CCDC110: variants seen among roughly 807,000 people sequenced by gnomAD.
The protein encoded by CCDC110 is coiled-coil domain-containing protein 110.
Under a neutral mutation model 77.1 loss-of-function variants are expected in CCDC110, and 70 were observed. The observed-to-expected ratio is 0.91, with a 90% CI of 0.75 to 1.11. The LOEUF (loss-of-function observed/expected upper bound fraction) is 1.11. Among genes scored for constraint, CCDC110 ranks in the 50% least tolerant of loss-of-function variants. The pLI is 0.00. For synonymous variants in CCDC110, 295 were observed against 312.5 expected (o/e 0.94, Z 0.59); for missense variants, 868 against 942.9 (o/e 0.92, Z 1.04).
Position 185,459,532 on chromosome 4 carries a change from T to C in CCDC110, c.1055A>G (p.Lys352Arg). ...TTCTTTATTGTTTTTCTCATTTTTC[T>C]TTCCCCTGTGCATTTCACTCTTAGA... ...KLSKSEMHRG[K>R]KNEKNNKEIP... The change falls in exon 6 of 7, where the codon AAG becomes AGG. Residue 352 changes from lysine to arginine, a missense_variant. By Grantham distance (26) the Lys-to-Arg change is conservative. Coordinates refer to ENST00000307588, the MANE Select transcript of CCDC110 (RefSeq NM_152775.4). The C allele has an allele frequency of 6.2e-7, 1 of 1,613,032 alleles. No homozygotes were observed. The highest frequency in any genetic ancestry group is 8.5e-7 in the Non-Finnish European group (1 of 1,179,514).
At position 185,462,201 on chromosome 4, in the gene CCDC110, T is replaced by C. The variant is rs143330317; in HGVS notation, c.237+442A>G. Reference sequence around the variant, plus strand: ...CACAGGGAGTCTGAGAATCCCCTACTGTGGAAAGCAGAATCAGGATACAGA... The same window carrying C: ...CACAGGGAGTCTGAGAATCCCCTACCGTGGAAAGCAGAATCAGGATACAGA... On this transcript the variant is annotated intron_variant, in intron 4 of 6. Transcript: ENST00000307588. Among the ~76,000 whole-genome samples, 238 of 152,292 alleles carry C rather than the reference T, an allele frequency of 1.6e-3. 1 individual carries two copies. The highest frequency in any genetic ancestry group is 5.5e-3 in the African/African-American group (229 of 41,586).
chr4:185,458,677 A>C lies in CCDC110; in HGVS notation c.1910T>G (p.Val637Gly). Reference sequence around the variant, plus strand: ...TTCAAGGTTGAGTTTTTCATCTTTAACTGTTTCTATTATTTGAAGAAGTGT... The same window carrying C: ...TTCAAGGTTGAGTTTTTCATCTTTACCTGTTTCTATTATTTGAAGAAGTGT... ...QETLLQIIET[V>G]KDEKLNLETT... Residue 637 changes from valine (V) to glycine (G), a missense_variant, in exon 6 of 7, where the codon GTT (valine) becomes GGT (glycine). Physicochemically the swap from Val to Gly is moderately radical, Grantham distance 109 (BLOSUM62 -3). Transcript: ENST00000307588. 1 of 1,604,394 alleles carries C rather than the reference A, an allele frequency of 6.2e-7. No homozygotes were observed. Among genetic ancestry groups the C allele is most frequent in the African/African-American group, 1.3e-5 (1 of 74,508 alleles).
At chr4:185,454,540 C>T (rs143435773) in intron 6 of CCDC110, among the ~76,000 whole-genome samples, 4,024 of 151,960 alleles carry the variant, frequency 0.026, 167 homozygotes, top group African/African-American at 0.092. Context: ...ATAGTGAAAC[C>T]TCATCTCTAC....
At chr4:185,448,832 A>G (rs1164775953) in intron 6 of CCDC110, among the ~76,000 whole-genome samples, 3 of 152,026 alleles carry the variant, frequency 2.0e-5, no homozygotes, top group African/African-American at 7.3e-5. Flanking sequence ...CTATCCAGAG[A>G]ATAAACCTGA....
At position 185,459,277 on chromosome 4, in the gene CCDC110, T is replaced by G; in HGVS notation, c.1310A>C (p.Glu437Ala). The G allele has an allele frequency of 6.2e-7, 1 of 1,613,274 alleles. No homozygotes were observed. The highest frequency in any genetic ancestry group is 8.5e-7 in the Non-Finnish European group (1 of 1,179,618). ...TACTTTTTTCTGTATCTGCACAGAT[T>G]CTTTTAGGTAATTCTGTAAGTACTG... is the stretch of plus-strand genomic sequence containing the variant. ...KIQYLQNYLK[E>A]SVQIQKKVME... The change falls in exon 6 of 7, where the codon GAA becomes GCA. Residue 437 changes from glutamate to alanine, a missense_variant. Transcript: ENST00000307588.
At chr4:185,465,435 A>G (rs1322495193) in intron 2 of CCDC110, among the ~76,000 whole-genome samples, 4 of 152,244 alleles carry the variant, frequency 2.6e-5, no homozygotes, top group African/African-American at 9.6e-5. Flanking sequence ...TATATTTTCC[A>G]TCTTCCATCT....
At chr4:185,460,484 C>T (rs1347764136) in intron 5 of CCDC110, among the ~76,000 whole-genome samples, 2 of 152,194 alleles carry the variant, frequency 1.3e-5, no homozygotes, top group African/African-American at 2.4e-5. Context: ...CATGGGCCAA[C>T]CCCTCAATTT....
At chr4:185,461,212 T>G in intron 4 of CCDC110, 53 bp from the exon 5 acceptor site, 1 of 890,132 alleles carries the variant, frequency 1.1e-6, no homozygotes, top group Non-Finnish European at 1.8e-6. Context: ...AACTTATGAA[T>G]GTACAGGAAT....
intron 1 of CCDC110, 126 bp downstream of exon 1, chr4:185,471,548 G>A (rs1205814453): frequency 5.7e-6 from 6 of 1,048,546 alleles, no homozygotes; most frequent in Non-Finnish European, 8.4e-6. Flanking sequence ...GGAGATGTGC[G>A]GCGAGTGCAG....
At chr4:185,463,547 A>T (rs1315662247) in intron 2 of CCDC110, among the ~76,000 whole-genome samples, 2 of 152,206 alleles carry the variant, frequency 1.3e-5, no homozygotes, top group Non-Finnish European at 2.9e-5. Flanking sequence ...TCACATTCAC[A>T]GTCTTTAGAT....
At chr4:185,447,782 C>A (rs2095618352) in intron 6 of CCDC110, among the ~76,000 whole-genome samples, 1 of 152,146 alleles carries the variant, frequency 6.6e-6, no homozygotes, top group African/African-American at 2.4e-5. Flanking sequence ...AACCACCCCC[C>A]AAACTCTAAT....
At chr4:185,464,294 A>G (rs1561167450) in intron 2 of CCDC110, among the ~76,000 whole-genome samples, 1 of 152,112 alleles carries the variant, frequency 6.6e-6, no homozygotes, top group Non-Finnish European at 1.5e-5. Flanking sequence ...CCTCACCACC[A>G]AAGGGGCAAC....
At chr4:185,466,178 A>G (rs1303460313) in intron 2 of CCDC110, among the ~76,000 whole-genome samples, 2 of 152,190 alleles carry the variant, frequency 1.3e-5, no homozygotes, top group South Asian at 4.2e-4. Context: ...GATCGAGACC[A>G]TCCTGGCTAA....
chr4:185,453,157 C>T (rs2095631476), intron 6 of CCDC110, among the ~76,000 whole-genome samples: 1 of 152,164 alleles, frequency 6.6e-6, no homozygotes, highest in African/African-American at 2.4e-5. Flanking sequence ...CACCAGGACC[C>T]AGGAGTTTGA....
At chr4:185,456,649 C>G (rs183488282) in intron 6 of CCDC110, among the ~76,000 whole-genome samples, 4 of 152,236 alleles carry the variant, frequency 2.6e-5, no homozygotes, top group African/African-American at 9.6e-5. Context: ...TGAGAACTTA[C>G]ATGAAATGTA....
At chr4:185,456,432 AAAC>A (rs894404248) in intron 6 of CCDC110, among the ~76,000 whole-genome samples, 2 of 152,188 alleles carry the variant, frequency 1.3e-5, no homozygotes, top group Non-Finnish European at 2.9e-5. Flanking sequence ...TGGAAGAAAA[AAAC>A]AAAGCAGCAA....
At chr4:185,446,061 G>A (rs375907113) in intron 6 of CCDC110, among the ~76,000 whole-genome samples, 34 of 151,946 alleles carry the variant, frequency 2.2e-4, no homozygotes, top group Non-Finnish European at 4.3e-4. Flanking sequence ...GGCTGGTCTC[G>A]AACTCCCGAC....
At chr4:185,454,535 G>T (rs988281984) in intron 6 of CCDC110, among the ~76,000 whole-genome samples, 4 of 151,892 alleles carry the variant, frequency 2.6e-5, no homozygotes, top group African/African-American at 9.7e-5. Flanking sequence ...CCAACATAGT[G>T]AAACCTCATC....
chr4:185,453,588 C>T (rs1371789231), intron 6 of CCDC110, among the ~76,000 whole-genome samples: 1 of 149,108 alleles, frequency 6.7e-6, no homozygotes, highest in Admixed American at 6.7e-5. Flanking sequence ...TGCTCTGTCG[C>T]CTAGGCTGGA....
Sources: gnomAD v4.1 joint callset for allele counts (sites outside exome capture counted in the v4.1 genomes callset) on GRCh38, gnomAD v4.1.1 for gene constraint, MANE v1.5 for transcripts, NCBI Gene and HGNC (gene_info 2026-07-23, HGNC 2026-07-21) for gene names.